The following HFM1 variants were observed in gnomAD, a reference collection of about 807,000 sequenced individuals.
The protein encoded by HFM1 is helicase for meiosis 1, also known as probable ATP-dependent DNA helicase HFM1.
In HFM1, 169 loss-of-function variants were observed where a neutral mutation model predicts 192.1. That is an observed-to-expected ratio of 0.88 (90% CI 0.78 to 1.00). HFM1 has a LOEUF of 1.00. Among genes scored for constraint, HFM1 ranks in the 50% least tolerant of loss-of-function variants. HFM1 has a pLI of 0.00. For synonymous variants in HFM1, 525 were observed against 537.8 expected, an observed-to-expected ratio of 0.98 and a Z score of 0.33; for missense variants, 1,661 against 1,668.0, an observed-to-expected ratio of 1.00 and a Z score of 0.07.
At chr1:91,390,435 G>GAA (rs35660069) in intron 4 of HFM1, among the ~76,000 whole-genome samples, 23 of 74,042 alleles carry the variant, frequency 3.1e-4, no homozygotes, top group African/African-American at 7.5e-4. Context: ...GACTCCCAAA[G>GAA]AAAAAAAAAA....
At chr1:91,376,081 G>A (rs141357935) in intron 11 of HFM1, among the ~76,000 whole-genome samples, 5 of 151,814 alleles carry the variant, frequency 3.3e-5, no homozygotes, top group East Asian at 1.9e-4. Context: ...TGAAAACTAC[G>A]CCTCAAAATG....
At chr1:91,395,495 G>T (rs1200407008) in intron 3 of HFM1, among the ~76,000 whole-genome samples, 1 of 151,920 alleles carries the variant, frequency 6.6e-6, no homozygotes, top group Non-Finnish European at 1.5e-5. Flanking sequence ...CTGTTTGTTT[G>T]TTTATATATT....
chr1:91,378,175 A>C lies in HFM1; in HGVS notation c.1245T>G (p.Ile415Met). The part of the protein sequence containing the change: ...VRLFLIDEVH[I>M]VKDENRGPTL... ...TTGGACCACGATTTTCATCTTTTAC[A>C]ATATGTACCTAAGCAGGAAATCAAG... The change falls in exon 11 of 39, where the codon ATT becomes ATG. Residue 415 changes from isoleucine to methionine, a missense_variant. Transcript: ENST00000370425. The C allele has an allele frequency of 6.3e-7, 1 of 1,599,586 alleles. No homozygotes were observed. Among genetic ancestry groups the C allele is most frequent in the Non-Finnish European group, 8.5e-7 (1 of 1,174,428 alleles).
chr1:91,375,053 TAG>T (rs1322943684), intron 13 of HFM1, among the ~76,000 whole-genome samples: 2 of 152,032 alleles, frequency 1.3e-5, no homozygotes, highest in African/African-American at 4.8e-5. Flanking sequence ...CCAAATATGA[TAG>T]AGAGTCCTTA....
At chr1:91,296,201 G>A (rs569646737) in intron 30 of HFM1, among the ~76,000 whole-genome samples, 11 of 152,326 alleles carry the variant, frequency 7.2e-5, no homozygotes, top group Admixed American at 2.6e-4. Flanking sequence ...TTGCAGGCGT[G>A]AGCCACCGCG....
At chr1:91,302,093 A>C (rs894110363) in intron 30 of HFM1, among the ~76,000 whole-genome samples, 1 of 149,204 alleles carries the variant, frequency 6.7e-6, no homozygotes, top group African/African-American at 2.5e-5. Flanking sequence ...GAAAATATCA[A>C]ACAACCCCAT....
At position 91,323,216 on chromosome 1, in the gene HFM1, G is replaced by A; in HGVS notation, c.2428-17C>T. 7.8e-7 allele frequency: 1 copy of A among 1,287,206 alleles called. No homozygotes were observed. Among genetic ancestry groups the A allele is most frequent in the Non-Finnish European group, 1.1e-6 (1 of 900,246 alleles). 79.7% of individuals were successfully genotyped at this position (1,287,206 alleles called of 1,614,324 possible). On this transcript the variant is annotated splice_polypyrimidine_tract_variant and intron_variant, in intron 21 of 38. Transcript: ENST00000370425. ...CAATGTAACCTATAACATTTCAGTA[G>A]TTGTCCATTTAATGAAGTCTATTTT...
At chr1:91,329,282 T>A (rs778613099) in intron 20 of HFM1, 1 of 1,609,328 alleles carries the variant, frequency 6.2e-7, no homozygotes. Flanking sequence ...GCGAGCCAAA[T>A]GAAGAAGAGC....
At chr1:91,328,797 A>G (rs1298474876) in intron 20 of HFM1, 13 of 1,611,074 alleles carry the variant, frequency 8.1e-6, no homozygotes, top group East Asian at 2.2e-5. Context: ...CAGCACAACG[A>G]TAAGTGCAAA....
Position 91,316,193 on chromosome 1 carries a change from A to C in HFM1, c.2899-9T>G. 6.8e-7 allele frequency: 1 copy of C among 1,460,476 alleles called. No individual in the cohort carries two copies. Among genetic ancestry groups the C allele is most frequent in the Non-Finnish European group, 9.4e-7 (1 of 1,058,888 alleles). 90.5% of individuals were successfully genotyped at this position (1,460,476 alleles called of 1,614,324 possible). On this transcript the variant is annotated splice_polypyrimidine_tract_variant and intron_variant, in intron 26 of 38. Coordinates refer to ENST00000370425, the MANE Select transcript of HFM1 (RefSeq NM_001017975.6). ...GGATGTCTGTTTAAAATCTAAAAAT[A>C]TTTACATCATTATATTCTTACCACA...
In HFM1 at chr1:91,313,384, T is replaced by A; in HGVS notation, c.3356A>T (p.His1119Leu). 1.3e-6 allele frequency: 2 copies of A among 1,592,566 alleles called. No individual in the cohort carries two copies. Among genetic ancestry groups the A allele is most frequent in the African/African-American group, 1.3e-5 (1 of 74,532 alleles). ...KSETQISHSKHSDISTIAGPN... is the reference protein window; with the variant it reads ...KSETQISHSKLSDISTIAGPN... ...TCCTGCTATTGTAGATATGTCTGAA[T>A]GTTTAGAATGGGAAATCTGTGTTTC... Residue 1119 changes from histidine (H) to leucine (L), a missense_variant, in exon 30 of 39, where the codon CAT becomes CTT. Coordinates refer to ENST00000370425, the MANE Select transcript of HFM1 (RefSeq NM_001017975.6).
rs1439481540 is a variant in HFM1, at chr1:91,353,999, A to C, written c.1686-700T>G. On this transcript the variant is annotated intron_variant, in intron 13 of 38. Transcript: ENST00000370425. The stretch of plus-strand genomic sequence containing the variant: ...GAACGCAATAATTCTCCAGTAACTG[A>C]TTCCAAAAAACAGAAATTTGTAAAC... Among the ~76,000 whole-genome samples, 5 of 151,720 alleles carry C rather than the reference A, an allele frequency of 3.3e-5. No individual in the cohort carries two copies. The South Asian group carries it at 8.3e-4, about 25-fold the overall frequency.
chr1:91,298,016 T>A (rs551230214), intron 30 of HFM1, among the ~76,000 whole-genome samples: 1 of 152,198 alleles, frequency 6.6e-6, no homozygotes, highest in Non-Finnish European at 1.5e-5. Flanking sequence ...TTTGAACCCA[T>A]GGCAAAGAAG....
At chr1:91,325,337 G>A (rs1032149501) in intron 20 of HFM1, among the ~76,000 whole-genome samples, 2 of 152,150 alleles carry the variant, frequency 1.3e-5, no homozygotes, top group Admixed American at 6.5e-5. Context: ...TCACCATCCC[G>A]AAGTGAAAGG....
At chr1:91,355,708 A>G (rs2101775463) in intron 13 of HFM1, among the ~76,000 whole-genome samples, 1 of 152,294 alleles carries the variant, frequency 6.6e-6, no homozygotes, top group East Asian at 1.9e-4. Flanking sequence ...GAAGCATAAC[A>G]TATATATAAA....
intron 3 of HFM1, among the ~76,000 whole-genome samples, chr1:91,395,148 G>T (rs193016648): frequency 2.0e-5 from 3 of 151,996 alleles, no homozygotes; most frequent in Non-Finnish European, 4.4e-5. Context: ...TTGTTTGAGT[G>T]TGCTTGTTTT....
chr1:91,287,363 A>C lies in HFM1; in HGVS notation c.3392-10301T>G, dbSNP rs181723040. Among the ~76,000 whole-genome samples the C allele has an allele frequency of 2.8e-3, 430 of 152,186 alleles. 2 individuals carry two copies. Among genetic ancestry groups the C allele is most frequent in the East Asian group, 0.018 (94 of 5,164 alleles). On this transcript the variant is annotated intron_variant, in intron 30 of 38. Transcript: ENST00000370425. ...AGTGAGTCCCTGACCCCTGACCCCC[A>C]AGCAGCCTAACTGGGAGGCACCCCC...
intron 30 of HFM1, among the ~76,000 whole-genome samples, chr1:91,309,011 G>A (rs910220681): frequency 2.0e-5 from 3 of 152,128 alleles, no homozygotes; most frequent in Non-Finnish European, 4.4e-5. Context: ...TGTAGCTGTG[G>A]AAGCACTGGC....
intron 11 of HFM1, chr1:91,377,817 T>G (rs905805453): frequency 2.3e-5 from 13 of 554,000 alleles, no homozygotes; most frequent in African/African-American, 2.0e-4. Flanking sequence ...GATGTCCACA[T>G]GTCCACAAAA....
Sources: gnomAD v4.1 joint callset for allele counts (sites outside exome capture counted in the v4.1 genomes callset) on GRCh38, gnomAD v4.1.1 for gene constraint, MANE v1.5 for transcripts, NCBI Gene and HGNC (gene_info 2026-07-23, HGNC 2026-07-21) for gene names.